Variants in MIPEP observed in about 807,000 individuals in gnomAD.
The protein encoded by MIPEP is mitochondrial intermediate peptidase.
A neutral mutation model predicts 90.3 loss-of-function variants in MIPEP; 79 were observed. The ratio of observed to expected loss-of-function variants is 0.87; its 90% CI spans 0.73 to 1.05. The LOEUF (loss-of-function observed/expected upper bound fraction) is 1.05, where lower values mean the gene tolerates loss of function less well. Among genes scored for constraint, MIPEP ranks in the 50% least tolerant of loss-of-function variants. MIPEP has a pLI of 0.00. For synonymous variants in MIPEP, 334 were observed against 315.8 expected, an observed-to-expected ratio of 1.06 and a Z score of -0.61; for missense variants, 940 against 905.6, an observed-to-expected ratio of 1.04 and a Z score of -0.49.
At chr13:23,805,407 A>T (rs1333553726) in intron 16 of MIPEP, among the ~76,000 whole-genome samples, 3 of 152,200 alleles carry the variant, frequency 2.0e-5, no homozygotes, top group Non-Finnish European at 4.4e-5. Flanking sequence ...AATTTAATTT[A>T]TAAGGTTATT....
In MIPEP at chr13:23,859,051, T is replaced by C. The variant is rs903921440; in HGVS notation, c.1054-139A>G. ...AATTTTATAGAATCCCTTAAAAAATTGATAGCTTGGCAGAAAATACCTGGC... is the reference window on the plus strand; with the variant it reads ...AATTTTATAGAATCCCTTAAAAAATCGATAGCTTGGCAGAAAATACCTGGC... On this transcript the variant is annotated intron_variant, in intron 9 of 18. Transcript: ENST00000382172. 4.1e-6 allele frequency: 3 copies of C among 723,902 alleles called. No individual in the cohort carries two copies. The African/African-American group carries it at 5.4e-5, about 13-fold the overall frequency. The allele number at this position is 723,902 out of a possible 1,614,324, so 44.8% of individuals were successfully genotyped here.
chr13:23,744,955 G>C (rs1312728311), intron 18 of MIPEP, among the ~76,000 whole-genome samples: 1 of 152,126 alleles, frequency 6.6e-6, no homozygotes, highest in Non-Finnish European at 1.5e-5. Context: ...AAGCTTTTAA[G>C]AATTTTGTTA....
At chr13:23,878,580 T>G (rs1871159742) in intron 4 of MIPEP, among the ~76,000 whole-genome samples, 1 of 152,214 alleles carries the variant, frequency 6.6e-6, no homozygotes, top group Admixed American at 6.5e-5. Context: ...AATTAATCTG[T>G]GTTATGACAT....
intron 16 of MIPEP, among the ~76,000 whole-genome samples, chr13:23,781,900 GCTAA>G (rs1156504113): frequency 2.0e-5 from 3 of 152,148 alleles, no homozygotes; most frequent in Non-Finnish European, 2.9e-5. Flanking sequence ...AACAAGAAGA[GCTAA>G]CTATTTTAAA....
At chr13:23,825,131 G>A (rs1000888118) in intron 14 of MIPEP, among the ~76,000 whole-genome samples, 1 of 152,204 alleles carries the variant, frequency 6.6e-6, no homozygotes, top group African/African-American at 2.4e-5. Context: ...TCTCAGACAA[G>A]TTCAATGACT....
intron 16 of MIPEP, among the ~76,000 whole-genome samples, chr13:23,801,938 C>T (rs1953047896): frequency 1.3e-5 from 2 of 152,024 alleles, no homozygotes; most frequent in Admixed American, 1.3e-4. Context: ...GAAAAGTATA[C>T]CTGGTAGAGA....
chr13:23,876,090 T>C (rs1871061239), intron 4 of MIPEP, among the ~76,000 whole-genome samples: 1 of 152,184 alleles, frequency 6.6e-6, no homozygotes, highest in Non-Finnish European at 1.5e-5. Flanking sequence ...TAGGATAAAT[T>C]CCAAGAAATT....
At chr13:23,741,375 T>A (rs1952327087) in intron 18 of MIPEP, among the ~76,000 whole-genome samples, 1 of 152,192 alleles carries the variant, frequency 6.6e-6, no homozygotes, top group African/African-American at 2.4e-5. Context: ...TGCACGTGAA[T>A]GTTCACTGAT....
At chr13:23,820,477 C>T (rs1416613019) in intron 14 of MIPEP, among the ~76,000 whole-genome samples, 1 of 152,158 alleles carries the variant, frequency 6.6e-6, no homozygotes, top group African/African-American at 2.4e-5. Flanking sequence ...ATGTACAACA[C>T]TAGTTGGAAA....
At chr13:23,732,841 G>A (rs1565975601) in intron 18 of MIPEP, among the ~76,000 whole-genome samples, 1 of 152,216 alleles carries the variant, frequency 6.6e-6, no homozygotes, top group Non-Finnish European at 1.5e-5. Context: ...AGTGATTTGA[G>A]TTATAAAGGT....
At chr13:23,738,448 GTTT>G (rs36091630) in intron 18 of MIPEP, among the ~76,000 whole-genome samples, 1 of 139,584 alleles carries the variant, frequency 7.2e-6, no homozygotes, top group African/African-American at 2.6e-5. Flanking sequence ...AAATTACTGA[GTTT>G]TTTTTTTTTT....
intron 4 of MIPEP, among the ~76,000 whole-genome samples, chr13:23,875,966 T>C (rs1566026072): frequency 2.0e-5 from 3 of 152,222 alleles, no homozygotes; most frequent in Admixed American, 1.3e-4. Flanking sequence ...AAGTTGGCTT[T>C]TGATGCTTGT....
chr13:23,741,419 C>T (rs1445694426), intron 18 of MIPEP, among the ~76,000 whole-genome samples: 1 of 152,144 alleles, frequency 6.6e-6, no homozygotes, highest in Non-Finnish European at 1.5e-5. Flanking sequence ...ATGGAATCAA[C>T]CTAAATGCCC....
intron 9 of MIPEP, among the ~76,000 whole-genome samples, chr13:23,861,645 G>A (rs1314614821): frequency 6.6e-6 from 1 of 152,122 alleles, no homozygotes; most frequent in Non-Finnish European, 1.5e-5. Flanking sequence ...ACAGCATTTG[G>A]AAAAGAATGG....
At chr13:23,834,528 G>A (rs1868934885) in intron 14 of MIPEP, among the ~76,000 whole-genome samples, 1 of 152,224 alleles carries the variant, frequency 6.6e-6, no homozygotes, top group Non-Finnish European at 1.5e-5. Context: ...CTGTTTCTTG[G>A]ATGCTGAGAA....
chr13:23,828,811 C>A (rs1375612428), intron 14 of MIPEP, among the ~76,000 whole-genome samples: 1 of 152,116 alleles, frequency 6.6e-6, no homozygotes, highest in Non-Finnish European at 1.5e-5. Flanking sequence ...TAACCTGATT[C>A]TAAAATGTAT....
intron 18 of MIPEP, among the ~76,000 whole-genome samples, chr13:23,753,331 T>C (rs1366304703): frequency 6.6e-6 from 1 of 152,144 alleles, no homozygotes; most frequent in Non-Finnish European, 1.5e-5. Flanking sequence ...TCCTAAGTAA[T>C]TTATAGACAG....
chr13:23,775,654 T>C (rs1394140655), intron 16 of MIPEP, among the ~76,000 whole-genome samples: 2 of 152,138 alleles, frequency 1.3e-5, no homozygotes, highest in African/African-American at 4.8e-5. Context: ...ACCAAAATGC[T>C]GTGGAAAATG....
chr13:23,808,134 T>C (rs1953132185), intron 15 of MIPEP, among the ~76,000 whole-genome samples: 2 of 151,752 alleles, frequency 1.3e-5, no homozygotes, highest in African/African-American at 4.8e-5. Context: ...AGTCTCGCCC[T>C]GTCGCCCAGG....
Sources: allele counts gnomAD v4.1 joint callset (sites outside exome capture counted in the v4.1 genomes callset), GRCh38; gene constraint gnomAD v4.1.1; transcripts MANE v1.5; gene names NCBI Gene and HGNC (gene_info 2026-07-23, HGNC 2026-07-21).